The following TYW1 variants were observed in gnomAD, a reference collection of about 807,000 sequenced individuals.
The protein encoded by TYW1 is S-adenosyl-L-methionine-dependent tRNA 4-demethylwyosine synthase TYW1.
A neutral mutation model predicts 96.2 loss-of-function variants in TYW1; 46 were observed. The ratio of observed to expected loss-of-function variants is 0.48; its 90% CI spans 0.38 to 0.61. TYW1 has a LOEUF of 0.61. TYW1 is among the 20% of genes least tolerant of loss of function. The pLI is 0.00. For synonymous variants in TYW1, 274 were observed against 323.0 expected (o/e 0.85, Z 1.63); for missense variants, 684 against 909.6 (o/e 0.75, Z 3.19).
chr7:67,118,003 A>C (rs1477020089), intron 13 of TYW1, among the ~76,000 whole-genome samples: 3 of 152,182 alleles, frequency 2.0e-5, no homozygotes, highest in African/African-American at 7.2e-5. Context: ...TGGGTACCAA[A>C]ATCCACAGAT....
intron 13 of TYW1, among the ~76,000 whole-genome samples, chr7:67,157,460 A>G (rs1799019066): frequency 6.6e-6 from 1 of 151,838 alleles, no homozygotes; most frequent in Admixed American, 6.6e-5. Flanking sequence ...TAATGTTTGT[A>G]TTTTCAGTAG....
chr7:66,996,887 C>A lies in TYW1; in HGVS notation c.-92C>A. Reference sequence around the variant, plus strand: ...GCAGGCACTCGGTACGCCGCTAACGCGGCGAGGTAGCTCGGTGCGTCTCGC... The same window carrying A: ...GCAGGCACTCGGTACGCCGCTAACGAGGCGAGGTAGCTCGGTGCGTCTCGC... On this transcript the variant is annotated 5_prime_UTR_variant, in exon 1 of 16. Transcript: ENST00000359626. The A allele has an allele frequency of 6.2e-7, 1 of 1,600,554 alleles. No individual in the cohort carries two copies. The highest frequency in any genetic ancestry group is 8.5e-7 in the Non-Finnish European group (1 of 1,173,712).
intron 9 of TYW1, among the ~76,000 whole-genome samples, chr7:67,064,060 T>G (rs760932676): frequency 1.3e-5 from 2 of 152,062 alleles, no homozygotes; most frequent in Non-Finnish European, 2.9e-5. Flanking sequence ...TAAATGAAAA[T>G]CTAAACAAAT....
At chr7:67,114,648 G>T (rs888981897) in intron 12 of TYW1, among the ~76,000 whole-genome samples, 6 of 152,150 alleles carry the variant, frequency 3.9e-5, no homozygotes, top group Admixed American at 6.6e-5. Flanking sequence ...GAATTATTAT[G>T]ATGATTTTGA....
intron 13 of TYW1, among the ~76,000 whole-genome samples, chr7:67,121,645 T>G (rs1398844450): frequency 6.6e-6 from 1 of 151,126 alleles, no homozygotes; most frequent in Non-Finnish European, 1.5e-5. Flanking sequence ...CATACTGTTA[T>G]CTTCTGTTAT....
At chr7:67,010,780 AT>A (rs1247850336) in intron 4 of TYW1, among the ~76,000 whole-genome samples, 1 of 151,812 alleles carries the variant, frequency 6.6e-6, no homozygotes, top group African/African-American at 2.4e-5. Context: ...TGGCCAAAAG[AT>A]TTTTTATAGA....
At chr7:67,168,136 A>AT (rs1374916300) in intron 13 of TYW1, among the ~76,000 whole-genome samples, 1 of 137,094 alleles carries the variant, frequency 7.3e-6, no homozygotes, top group Non-Finnish European at 1.6e-5. Context: ...ATCAATGGCT[A>AT]TTGGGTTTTT....
intron 15 of TYW1, among the ~76,000 whole-genome samples, chr7:67,230,029 C>A (rs1343407046): frequency 6.6e-6 from 1 of 152,138 alleles, no homozygotes; most frequent in Non-Finnish European, 1.5e-5. Flanking sequence ...TTAGTTCTGT[C>A]ATTTTCCAGT....
At position 67,017,957 on chromosome 7, in the gene TYW1, T is replaced by C. The variant is rs555619697; in HGVS notation, c.675T>C (p.Ile225=). The C allele has an allele frequency of 4.1e-4, 663 of 1,614,110 alleles. No individual in the cohort carries two copies. The highest frequency in any genetic ancestry group is 4.8e-4 in the Non-Finnish European group (563 of 1,180,020). The change falls in exon 6 of 16, where the codon ATT becomes ATC. Residue 225 remains isoleucine (I), a synonymous_variant. Coordinates refer to ENST00000359626, the MANE Select transcript of TYW1 (RefSeq NM_018264.4). ...TGGTTAAAAGCAAGCACGGCAGCAT[T>C]GAGGCCGACTTCAGAGCATGGAAGA... ...CDVVKSKHGS[I]EADFRAWKTK... is the part of the protein sequence containing the mutation.
intron 6 of TYW1, among the ~76,000 whole-genome samples, chr7:67,019,902 A>T (rs927723440): frequency 1.3e-5 from 2 of 152,288 alleles, no homozygotes; most frequent in African/African-American, 2.4e-5. Context: ...TTTTATGGCT[A>T]CCTGGAGTCA....
chr7:67,177,554 C>G, intron 13 of TYW1, among the ~76,000 whole-genome samples: 1 of 152,110 alleles, frequency 6.6e-6, no homozygotes, highest in Non-Finnish European at 1.5e-5. Flanking sequence ...ATATTCAAGA[C>G]ATTTGAACCA....
At chr7:67,018,261 G>A in intron 6 of TYW1, 118 bp downstream of exon 6, 1 of 1,329,040 alleles carries the variant, frequency 7.5e-7, no homozygotes, top group Non-Finnish European at 1.0e-6. Context: ...AGATCTGGCT[G>A]AGTGCAGTGG....
At chr7:67,043,244 G>A (rs1363997790) in intron 7 of TYW1, among the ~76,000 whole-genome samples, 2 of 152,086 alleles carry the variant, frequency 1.3e-5, no homozygotes, top group African/African-American at 4.8e-5. Context: ...GTGGTTCTCA[G>A]AAGAGAAGCT....
intron 13 of TYW1, among the ~76,000 whole-genome samples, chr7:67,146,072 C>CT (rs1379672736): frequency 3.3e-5 from 5 of 152,046 alleles, no homozygotes; most frequent in Admixed American, 6.6e-5. Flanking sequence ...GGCCTTTGTT[C>CT]TTTTTTTATT....
At chr7:67,012,078 G>T (rs1249060090) in intron 4 of TYW1, among the ~76,000 whole-genome samples, 1 of 152,072 alleles carries the variant, frequency 6.6e-6, no homozygotes, top group Non-Finnish European at 1.5e-5. Flanking sequence ...GGCCAGGCGT[G>T]GTGGCTCTCG....
intron 6 of TYW1, among the ~76,000 whole-genome samples, chr7:67,020,376 C>A (rs1051516719): frequency 1.3e-5 from 2 of 152,224 alleles, no homozygotes; most frequent in Non-Finnish European, 2.9e-5. Context: ...GTAGCTGAGA[C>A]TACAGACGCC....
intron 10 of TYW1, among the ~76,000 whole-genome samples, chr7:67,077,360 A>G (rs1253838355): frequency 2.0e-5 from 3 of 152,178 alleles, no homozygotes; most frequent in Non-Finnish European, 4.4e-5. Flanking sequence ...TACATTGCCA[A>G]CAACAGTGTA....
intron 7 of TYW1, among the ~76,000 whole-genome samples, chr7:67,037,299 G>A (rs1464777359): frequency 1.3e-5 from 2 of 152,030 alleles, no homozygotes; most frequent in Admixed American, 6.6e-5. Flanking sequence ...CCTGACGTCA[G>A]GAGACCAGCC....
intron 15 of TYW1, among the ~76,000 whole-genome samples, chr7:67,215,143 C>CTG (rs1156939191): frequency 6.6e-6 from 1 of 150,876 alleles, no homozygotes; most frequent in Non-Finnish European, 1.5e-5. Flanking sequence ...AACTAGGAAA[C>CTG]TATCAGGCCA....
Sources: gnomAD v4.1 joint callset for allele counts (sites outside exome capture counted in the v4.1 genomes callset) on GRCh38, gnomAD v4.1.1 for gene constraint, MANE v1.5 for transcripts, NCBI Gene and HGNC (gene_info 2026-07-23, HGNC 2026-07-21) for gene names.